The following UNC13B variants were observed in gnomAD, a reference collection of about 807,000 sequenced individuals.
UNC13B encodes the protein protein unc-13 homolog B.
Under a neutral mutation model 211.0 loss-of-function variants are expected in UNC13B, and 144 were observed. The ratio of observed to expected loss-of-function variants is 0.68; its 90% CI spans 0.60 to 0.78. The LOEUF is 0.78. Ranked by LOEUF, UNC13B falls within the 30% of genes least tolerant of loss-of-function variation. The probability of loss-of-function intolerance (pLI) is 0.00; values close to 1 mark genes in which losing one functional copy is unlikely to be tolerated. For synonymous variants in UNC13B, 709 were observed against 725.8 expected (o/e 0.98, Z 0.37); for missense variants, 1,777 against 2,002.0 (o/e 0.89, Z 2.14).
intron 3 of UNC13B, 146 bp from the exon 4 acceptor site, chr9:35,236,323 A>G (rs1432849418): frequency 3.1e-6 from 2 of 640,718 alleles, no homozygotes; most frequent in African/African-American, 3.7e-5. Context: ...GGAGCCTAAA[A>G]ATGGTCGTGG....
Position 35,389,885 on chromosome 9 carries a change from C to T in UNC13B, c.11134C>T (p.Arg3712Trp), listed in dbSNP as rs758129805. The T allele has an allele frequency of 9.9e-6, 16 of 1,614,096 alleles. No individual in the cohort carries two copies. The highest frequency in any genetic ancestry group is 1.6e-4 in the Middle Eastern group (1 of 6,062). ...LPPEEQGPSIRNLDFWPKLIT... is the reference protein window; with the variant it reads ...LPPEEQGPSIWNLDFWPKLIT... ...TCCAGAGGAACAAGGGCCCAGCATT[C>T]GGAACCTGGATTTCTGGCCCAAGCT... The change falls in exon 25 of 40, where the codon CGG (arginine) becomes TGG (tryptophan). Residue 3712 changes from arginine (R) to tryptophan (W), a missense_variant. Physicochemically the swap from Arg to Trp is moderately radical, Grantham distance 101. Coordinates refer to ENST00000635942, the MANE Select transcript of UNC13B (RefSeq NM_001371189.2).
intron 11 of UNC13B, among the ~76,000 whole-genome samples, chr9:35,322,395 G>A (rs1268105395): frequency 2.0e-5 from 3 of 152,142 alleles, no homozygotes; most frequent in Non-Finnish European, 4.4e-5. Context: ...GAGAAGGCAT[G>A]GAGATAGGCC....
intron 7 of UNC13B, among the ~76,000 whole-genome samples, chr9:35,264,102 T>G (rs1587498453): frequency 6.6e-6 from 1 of 151,628 alleles, no homozygotes; most frequent in Non-Finnish European, 1.5e-5. Context: ...GCTGGAAGAG[T>G]TTTGAGGTGC....
chr9:35,317,658 G>A (rs1830529670), intron 11 of UNC13B, among the ~76,000 whole-genome samples: 2 of 150,788 alleles, frequency 1.3e-5, no homozygotes, highest in Admixed American at 1.3e-4. Context: ...TAGTAGCTGG[G>A]ACTACAGGCG....
In UNC13B at chr9:35,236,485, G is replaced by A. The variant is rs773381833; in HGVS notation, c.169G>A (p.Asp57Asn). ...QDFMFEISRL[D>N]LGLSVEVWNK... ...TTCCCTTAGTGAGATTAGTCGCCTGGACCTGGGTCTAAGTGTGGAGGTATG... is the reference window on the plus strand; with the variant it reads ...TTCCCTTAGTGAGATTAGTCGCCTGAACCTGGGTCTAAGTGTGGAGGTATG... Residue 57 changes from aspartate (D) to asparagine (N), a missense_variant, in exon 4 of 40, where the codon GAC becomes AAC. By Grantham distance (23) the Asp-to-Asn change is conservative. Coordinates refer to ENST00000635942, the MANE Select transcript of UNC13B (RefSeq NM_001371189.2). 1.4e-5 allele frequency: 22 copies of A among 1,614,042 alleles called. No individual in the cohort carries two copies. Among genetic ancestry groups the A allele is most frequent in the Non-Finnish European group, 1.9e-5 (22 of 1,179,942 alleles).
At chr9:35,350,316 T>C (rs1040986202) in intron 11 of UNC13B, among the ~76,000 whole-genome samples, 1 of 152,226 alleles carries the variant, frequency 6.6e-6, no homozygotes, top group Non-Finnish European at 1.5e-5. Context: ...TAAAGCACCC[T>C]GGAGCCCTCT....
At chr9:35,393,101 C>A (rs970570717) in intron 26 of UNC13B, among the ~76,000 whole-genome samples, 23 of 152,192 alleles carry the variant, frequency 1.5e-4, no homozygotes, top group Middle Eastern at 6.8e-3. Context: ...TTATTGGAAC[C>A]CAATGAGATG....
At chr9:35,254,956 TATAA>T (rs1826748681) in intron 6 of UNC13B, among the ~76,000 whole-genome samples, 1 of 121,950 alleles carries the variant, frequency 8.2e-6, no homozygotes, top group Non-Finnish European at 1.6e-5. Context: ...ATGTATATAA[TATAA>T]TATATTATAT....
rs1399089610 is a variant in UNC13B at position 35,376,131 on chromosome 9, G to A, written c.9719G>A (p.Cys3240Tyr). 1 of 1,614,122 alleles carries A rather than the reference G, an allele frequency of 6.2e-7. No homozygotes were observed. The highest frequency in any genetic ancestry group is 1.3e-5 in the African/African-American group (1 of 74,946). ...EVWTATTPTYCYECEGLLWGI... is the reference protein window; with the variant it reads ...EVWTATTPTYYYECEGLLWGI... ...TGGACGGCCACTACCCCAACCTACT[G>A]CTATGAGTGTGAAGGCCTGCTCTGG... is the stretch of plus-strand genomic sequence containing the variant. Residue 3240 changes from cysteine (C) to tyrosine (Y), a missense_variant, in exon 15 of 40, where the codon TGC (cysteine) becomes TAC (tyrosine). Coordinates refer to ENST00000635942, the MANE Select transcript of UNC13B (RefSeq NM_001371189.2).
chr9:35,170,282 CAGTCTCCTGAGTA>C (rs1821262531), intron 1 of UNC13B, among the ~76,000 whole-genome samples: 1 of 152,112 alleles, frequency 6.6e-6, no homozygotes, highest in Non-Finnish European at 1.5e-5. Flanking sequence ...TCTCCTGACT[CAGTCTCCTGAGTA>C]GCTGGGACTA....
intron 1 of UNC13B, among the ~76,000 whole-genome samples, chr9:35,226,899 A>G (rs1449741054): frequency 6.6e-6 from 1 of 152,194 alleles, no homozygotes; most frequent in Non-Finnish European, 1.5e-5. Flanking sequence ...GTGGCACTCA[A>G]TAGAGTGTCA....
chr9:35,382,518 T>G lies in UNC13B; in HGVS notation c.10806+11T>G. The G allele has an allele frequency of 6.2e-7, 1 of 1,603,786 alleles. No homozygotes were observed. Among genetic ancestry groups the G allele is most frequent in the Non-Finnish European group, 8.5e-7 (1 of 1,177,342 alleles). On this transcript the variant is annotated intron_variant, in intron 21 of 39. Coordinates refer to ENST00000635942, the MANE Select transcript of UNC13B (RefSeq NM_001371189.2). ...GCCTCCAACTTTGGGGTAAGTATCA[T>G]GTAAACACATATGTCTGCATTTGTT...
intron 7 of UNC13B, among the ~76,000 whole-genome samples, chr9:35,260,048 A>AC (rs1827175881): frequency 6.8e-6 from 1 of 147,992 alleles, no homozygotes; most frequent in South Asian, 2.1e-4. Context: ...CAAAAAAAAA[A>AC]AAAAAAAAAA....
chr9:35,243,275 CT>C lies in UNC13B; in HGVS notation c.395-8del, dbSNP rs113464090. On this transcript the variant is annotated splice_polypyrimidine_tract_variant and intron_variant, in intron 5 of 39. Coordinates refer to ENST00000635942, the MANE Select transcript of UNC13B (RefSeq NM_001371189.2). ...TGATGTGATTTCTTTTCTTTTTCTTCTTTTTTTTATGGTAGATATCCCAGAG... is the reference window on the plus strand; with the variant it reads ...TGATGTGATTTCTTTTCTTTTTCTTCTTTTTTTATGGTAGATATCCCAGAG... 5.0e-6 allele frequency: 8 copies of C among 1,608,268 alleles called. No individual in the cohort carries two copies. Among genetic ancestry groups the C allele is most frequent in the Non-Finnish European group, 6.0e-6 (7 of 1,175,822 alleles).
intron 7 of UNC13B, among the ~76,000 whole-genome samples, chr9:35,293,168 C>T (rs1413316844): frequency 6.6e-6 from 1 of 152,176 alleles, no homozygotes. Flanking sequence ...CTCTTCTACT[C>T]CCAACCTCTT....
Position 35,305,445 on chromosome 9 carries a change from G to A in UNC13B, c.6041G>A (p.Arg2014Lys). The A allele has an allele frequency of 5.0e-6, 2 of 398,982 alleles. No homozygotes were observed. Among genetic ancestry groups the A allele is most frequent in the Admixed American group, 8.8e-5 (2 of 22,732 alleles). 24.7% of individuals were successfully genotyped at this position (398,982 alleles called of 1,614,324 possible). A position where few individuals can be genotyped will look rare whatever the true frequency, so the allele number is the denominator to read the frequency against. ...TCAATGACTATTAAGGATGAGGTCA[G>A]GTCAAGTCCTACTCCTATGGAGCTA... is the stretch of plus-strand genomic sequence containing the variant. The part of the protein sequence containing the change: ...VSSMTIKDEV[R>K]SSPTPMELAS... The change falls in exon 9 of 40, where the codon AGG becomes AAG. Residue 2014 changes from arginine (R) to lysine (K), a missense_variant. Coordinates refer to ENST00000635942, the MANE Select transcript of UNC13B (RefSeq NM_001371189.2).
intron 14 of UNC13B, 81 bp from the exon 15 acceptor site, chr9:35,375,947 T>A: frequency 6.9e-7 from 1 of 1,450,474 alleles, no homozygotes. Context: ...ACCACTGCAC[T>A]CCAGCCTGGG....
intron 7 of UNC13B, among the ~76,000 whole-genome samples, chr9:35,278,056 A>G (rs1828278439): frequency 6.6e-6 from 1 of 152,222 alleles, no homozygotes; most frequent in African/African-American, 2.4e-5. Context: ...TCACAGTAGT[A>G]TAAATGAAAA....
chr9:35,379,459 GAAAA>G (rs147340530), intron 17 of UNC13B, among the ~76,000 whole-genome samples: 1 of 144,282 alleles, frequency 6.9e-6, no homozygotes, highest in African/African-American at 2.5e-5. Flanking sequence ...AAAAAGAAAA[GAAAA>G]AAAAAAGGGA....
Sources: allele counts gnomAD v4.1 joint callset (sites outside exome capture counted in the v4.1 genomes callset), GRCh38; gene constraint gnomAD v4.1.1; transcripts MANE v1.5; gene names NCBI Gene and HGNC (gene_info 2026-07-23, HGNC 2026-07-21).